The following LPIN1 variants were observed in gnomAD, a reference collection of about 807,000 sequenced individuals.
The protein encoded by LPIN1 is phosphatidate phosphatase LPIN1.
A neutral mutation model predicts 107.5 loss-of-function variants in LPIN1; 71 were observed. That is an observed-to-expected ratio of 0.66 (90% CI 0.55 to 0.80). The LOEUF (loss-of-function observed/expected upper bound fraction) is 0.80, where lower values mean the gene tolerates loss of function less well. Ranked by LOEUF, LPIN1 falls within the 30% of genes least tolerant of loss-of-function variation. The pLI is 0.00. For missense variants in LPIN1, 1,043 were observed against 1,160.6 expected, an observed-to-expected ratio of 0.90 and a Z score of 1.47; for synonymous variants, 445 against 452.6, an observed-to-expected ratio of 0.98 and a Z score of 0.21.
At chr2:11,819,043 TACACACAC>T (rs3037343) in intron 18 of LPIN1, 44 of 156,290 alleles carry the variant, frequency 2.8e-4, no homozygotes, top group African/African-American at 6.6e-4. Flanking sequence ...TATACACACA[TACACACAC>T]ACACACACAC....
rs757356725 is a variant in LPIN1, at chr2:11,820,472, A to G, written c.2579A>G (p.Lys860Arg). ...AATAGAATATTTACCGTCAACCCTA[A>G]AGGAGAGCTGGTACAGGAACATGCA... is the stretch of plus-strand genomic sequence containing the variant. ...SLNRIFTVNP[K>R]GELVQEHAKT... is the part of the protein sequence containing the mutation. Residue 860 changes from lysine (K) to arginine (R), a missense_variant, in exon 20 of 21, where the codon AAA becomes AGA. Lys to Arg is a conservative substitution (Grantham distance 26). Transcript: ENST00000674199. 3.7e-6 allele frequency: 6 copies of G among 1,613,728 alleles called. No individual in the cohort carries two copies. In the East Asian group the frequency reaches 1.3e-4, roughly 36 times the overall value.
intron 1 of LPIN1, among the ~76,000 whole-genome samples, chr2:11,709,248 G>T (rs1267418497): frequency 6.6e-6 from 1 of 152,182 alleles, no homozygotes; most frequent in Non-Finnish European, 1.5e-5. Context: ...ACCAAAGAAA[G>T]GGGGTATCAT....
intron 1 of LPIN1, among the ~76,000 whole-genome samples, chr2:11,750,821 C>A (rs1201941418): frequency 1.3e-5 from 2 of 152,034 alleles, no homozygotes; most frequent in African/African-American, 4.8e-5. Context: ...CCCTGGAACA[C>A]CCAGGTGATA....
Position 11,730,273 on chromosome 2 carries a change from C to T in LPIN1, c.-72+5734C>T, listed in dbSNP as rs745745383. 1.4e-4 allele frequency among the ~76,000 whole-genome samples: 21 copies of T among 152,262 alleles called. No individual in the cohort carries two copies. The East Asian group carries it at 1.5e-3, about 11-fold the overall frequency. ...CCTGCACTGAGTTTCCTGAGGAGCC[C>T]GCTGAGGCCGTTGCTCACCTTTGTT... On this transcript the variant is annotated intron_variant, in intron 1 of 21. Coordinates refer to the LPIN1 transcript ENST00000396097.
chr2:11,822,381 C>T (rs941891873), intron 20 of LPIN1, among the ~76,000 whole-genome samples: 2 of 150,342 alleles, frequency 1.3e-5, no homozygotes, highest in African/African-American at 4.9e-5. Context: ...ACCCAGGAGA[C>T]GGAGGTTGCA....
chr2:11,781,714 G>A (rs1232108830), intron 7 of LPIN1, among the ~76,000 whole-genome samples: 2 of 152,208 alleles, frequency 1.3e-5, no homozygotes, highest in Admixed American at 1.3e-4. Context: ...TGTGCAGCGT[G>A]CACCCAGACC....
chr2:11,678,907 G>A (rs985631612), intron 1 of LPIN1, among the ~76,000 whole-genome samples: 9 of 152,350 alleles, frequency 5.9e-5, no homozygotes, highest in South Asian at 4.1e-4. Context: ...CGGGAGCCCC[G>A]TGCAGGTGAA....
At position 11,827,343 on chromosome 2, in the gene LPIN1, T is replaced by A. The variant is rs553044488; in HGVS notation, c.*2552T>A. The A allele has an allele frequency of 6.2e-4, 94 of 152,382 alleles. No individual in the cohort carries two copies. The highest frequency in any genetic ancestry group is 2.2e-3 in the African/African-American group (92 of 41,594). 9.4% of individuals were successfully genotyped at this position (152,382 alleles called of 1,614,324 possible). A position where few individuals can be genotyped will look rare whatever the true frequency, so the allele number is the denominator to read the frequency against. ...TAAAAATCACTGTAATACTTCATTG[T>A]GTTGTACTGGATGCAAAGCTAGAAA... is the stretch of plus-strand genomic sequence containing the variant. On this transcript the variant is annotated 3_prime_UTR_variant, in exon 21 of 21. Transcript: ENST00000674199. The surrounding 1 kb of genome is among the most constrained non-coding windows in gnomAD (Gnocchi z 4.1).
intron 1 of LPIN1, among the ~76,000 whole-genome samples, chr2:11,685,593 C>T (rs968507835): frequency 1.1e-4 from 16 of 152,180 alleles, no homozygotes; most frequent in Non-Finnish European, 1.5e-4. Flanking sequence ...CAACTTCAGT[C>T]CCTGAAATAC....
chr2:11,704,238 A>C (rs1024147819), intron 1 of LPIN1, among the ~76,000 whole-genome samples: 1 of 152,258 alleles, frequency 6.6e-6, no homozygotes, highest in African/African-American at 2.4e-5. Context: ...ATGAGACTTT[A>C]TCTCTCAACG....
At position 11,782,399 on chromosome 2, in the gene LPIN1, A is replaced by C; in HGVS notation, c.1156A>C (p.Thr386Pro). The change falls in exon 8 of 21, where the codon ACC becomes CCC. Residue 386 changes from threonine to proline, a missense_variant. Thr to Pro is a conservative substitution (Grantham distance 38). Coordinates refer to ENST00000674199, the MANE Select transcript of LPIN1 (RefSeq NM_001349206.2). The stretch of plus-strand genomic sequence containing the variant: ...GTTTGTGAATGAAGAAGACCTGGAG[A>C]CCTTAGGAGCAGCAGCGCCACTCTT... The part of the protein sequence containing the change: ...MQFVNEEDLE[T>P]LGAAAPLLPM... The C allele has an allele frequency of 6.2e-7, 1 of 1,614,124 alleles. No homozygotes were observed. The highest frequency in any genetic ancestry group is 8.5e-7 in the Non-Finnish European group (1 of 1,180,026).
intron 2 of LPIN1, chr2:11,741,446 G>A (rs988838427): frequency 1.8e-5 from 28 of 1,516,990 alleles, no homozygotes; most frequent in Non-Finnish European, 2.3e-5. Context: ...CTGCTGTTCA[G>A]TAGTTCTATT....
At chr2:11,820,562 C>G in intron 20 of LPIN1, 48 bp downstream of exon 20, 3 of 1,370,174 alleles carry the variant, frequency 2.2e-6, no homozygotes, top group Non-Finnish European at 3.1e-6. Flanking sequence ...GTACTATTAT[C>G]TTAAAACGGT....
intron 2 of LPIN1, among the ~76,000 whole-genome samples, chr2:11,715,077 T>A (rs533468979): frequency 1.4e-4 from 22 of 152,266 alleles, no homozygotes; most frequent in Non-Finnish European, 2.9e-4. Context: ...TTAGTGGCAG[T>A]TATGCCTGGA....
At chr2:11,717,412 G>C (rs1450406735) in intron 2 of LPIN1, among the ~76,000 whole-genome samples, 1 of 152,010 alleles carries the variant, frequency 6.6e-6, no homozygotes, top group Non-Finnish European at 1.5e-5. Flanking sequence ...GGCGGGGAGA[G>C]ATATGGGGGG....
upstream of LPIN1, among the ~76,000 whole-genome samples, chr2:11,723,238 T>A (rs114247740): frequency 6.6e-6 from 1 of 152,216 alleles, no homozygotes; most frequent in African/African-American, 2.4e-5. Context: ...CCATGGTTCA[T>A]GAACTGATAT....
chr2:11,788,422 T>TG lies in LPIN1; in HGVS notation c.1681dup (p.Ala561GlyfsTer21), dbSNP rs1675054535. The stretch of plus-strand genomic sequence containing the variant: ...TGGACAACAGCAGCACCCCTCCTCC[T>TG]GGCAATGCAGGCCTTCCAGAAACCT... On this transcript the variant is annotated frameshift_variant, in exon 12 of 21. Transcript: ENST00000674199. LOFTEE classifies it high-confidence loss of function. The TG allele has an allele frequency of 6.2e-7, 1 of 1,614,092 alleles. No individual in the cohort carries two copies.
chr2:11,788,011 T>C (rs545915185), intron 11 of LPIN1, among the ~76,000 whole-genome samples: 80 of 152,212 alleles, frequency 5.3e-4, no homozygotes, highest in African/African-American at 1.9e-3. Context: ...TTTTGCAGAC[T>C]GTTAGCAAGC....
chr2:11,821,801 G>A (rs1188719210), intron 20 of LPIN1, among the ~76,000 whole-genome samples: 1 of 152,206 alleles, frequency 6.6e-6, no homozygotes, highest in Admixed American at 6.5e-5. Context: ...TCACCCTGCA[G>A]TCATGCCAGT....
Sources: allele counts gnomAD v4.1 joint callset (sites outside exome capture counted in the v4.1 genomes callset), GRCh38; gene constraint gnomAD v4.1.1; non-coding constraint Gnocchi (gnomAD v3.1); transcripts MANE v1.5; gene names NCBI Gene and HGNC (gene_info 2026-07-23, HGNC 2026-07-21).